The following SYNJ2 variants were observed in gnomAD, a reference collection of about 807,000 sequenced individuals.
SYNJ2 encodes the protein synaptojanin 2.
SYNJ2 carries 116 observed loss-of-function variants against 141.3 expected under a neutral mutation model. The ratio of observed to expected loss-of-function variants is 0.82; its 90% CI spans 0.71 to 0.96. SYNJ2 has a LOEUF of 0.96. SYNJ2 is among the 40% of genes least tolerant of loss of function. The pLI is 0.00. For synonymous variants in SYNJ2, 745 were observed against 777.7 expected, an observed-to-expected ratio of 0.96 and a Z score of 0.70; for missense variants, 1,873 against 1,934.8, an observed-to-expected ratio of 0.97 and a Z score of 0.60.
chr6:158,059,111 GAT>G, intron 6 of SYNJ2, 144 bp from the exon 7 acceptor site: 1 of 806,066 alleles, frequency 1.2e-6, no homozygotes. Context: ...CATTTTCCAC[GAT>G]TTGGGTCATG....
intron 6 of SYNJ2, among the ~76,000 whole-genome samples, chr6:158,055,413 A>G (rs1365645011): frequency 6.6e-6 from 1 of 152,204 alleles, no homozygotes; most frequent in Non-Finnish European, 1.5e-5. Context: ...AGTGAAAAAT[A>G]AAAGTACCCT....
intron 7 of SYNJ2, among the ~76,000 whole-genome samples, chr6:158,061,469 C>T (rs182431836): frequency 6.6e-6 from 1 of 152,360 alleles, no homozygotes; most frequent in Admixed American, 6.5e-5. Flanking sequence ...CCTGAAGTAG[C>T]ATCGGGATGT....
intron 6 of SYNJ2, among the ~76,000 whole-genome samples, chr6:158,057,769 G>A (rs1214789132): frequency 6.6e-6 from 1 of 152,220 alleles, no homozygotes; most frequent in Non-Finnish European, 1.5e-5. Flanking sequence ...TGGCCACGGT[G>A]GGCTCCCTCA....
At chr6:158,002,021 A>G (rs1373307181) in intron 1 of SYNJ2, among the ~76,000 whole-genome samples, 1 of 151,198 alleles carries the variant, frequency 6.6e-6, no homozygotes, top group African/African-American at 2.4e-5. Context: ...GTGTCCTCCC[A>G]CTCTTCTGAA....
At chr6:158,047,564 G>A (rs1258972374) in intron 5 of SYNJ2, among the ~76,000 whole-genome samples, 1 of 151,882 alleles carries the variant, frequency 6.6e-6, no homozygotes, top group African/African-American at 2.4e-5. Flanking sequence ...ATCACTTGAG[G>A]TCAGGAGTTT....
rs11334192 is a variant in SYNJ2 at position 158,005,079 on chromosome 6, ATTT to A, written c.128-12109_128-12107del. 2.1e-3 allele frequency among the ~76,000 whole-genome samples: 258 copies of A among 123,882 alleles called. 2 individuals carry two copies. Among genetic ancestry groups the A allele is most frequent in the African/African-American group, 7.3e-3 (231 of 31,830 alleles). 81.3% of individuals were successfully genotyped at this position (123,882 alleles called of 152,430 possible). ...CCTGCAATTCCCAGTCCCAGTGACT[ATTT>A]TTTTTTTTTTTTTTTGAGACAGTCT... On this transcript the variant is annotated intron_variant, in intron 1 of 26. Coordinates refer to ENST00000355585, the MANE Select transcript of SYNJ2 (RefSeq NM_003898.4).
At chr6:157,989,424 ATGAAT>A in intron 1 of SYNJ2, among the ~76,000 whole-genome samples, 1 of 91,626 alleles carries the variant, frequency 1.1e-5, no homozygotes, top group African/African-American at 3.8e-5. Flanking sequence ...ATGTAAAAAA[ATGAAT>A]ATATATATAT....
chr6:158,074,659 T>A lies in SYNJ2; in HGVS notation c.2213T>A (p.Val738Asp). Residue 738 changes from valine to aspartate, a missense_variant, in exon 16 of 27, where the codon GTC (valine) becomes GAC (aspartate). Transcript: ENST00000355585. ...CGCATTGATCTTACTTATGAAGAAG[T>A]CTTCTATTTTGTTAAACGCCAAGAC... ...NYRIDLTYEEVFYFVKRQDWK... is the reference protein window; with the variant it reads ...NYRIDLTYEEDFYFVKRQDWK... 6.2e-7 allele frequency: 1 copy of A among 1,614,112 alleles called. No individual in the cohort carries two copies. The highest frequency in any genetic ancestry group is 8.5e-7 in the Non-Finnish European group (1 of 1,180,000).
rs1464901882 is a variant in SYNJ2 at position 158,043,172 on chromosome 6, G to A, written c.712-144G>A. The A allele has an allele frequency of 1.5e-6, 1 of 651,862 alleles. No individual in the cohort carries two copies. The highest frequency in any genetic ancestry group is 2.8e-5 in the East Asian group (1 of 35,248). 40.4% of individuals were successfully genotyped at this position (651,862 alleles called of 1,614,324 possible). ...GAGAGGTCAGGGCGCATTGCCGGATGGGGGAGCAGAGGACGCCGGAGTCCA... is the reference window on the plus strand; with the variant it reads ...GAGAGGTCAGGGCGCATTGCCGGATAGGGGAGCAGAGGACGCCGGAGTCCA... On this transcript the variant is annotated intron_variant, in intron 4 of 26. Transcript: ENST00000355585. The surrounding 1 kb of genome is among the most constrained non-coding windows in gnomAD (Gnocchi z 4.0).
At chr6:158,067,330 G>C (rs945017276) in intron 12 of SYNJ2, 43 of 722,168 alleles carry the variant, frequency 6.0e-5, no homozygotes, top group Non-Finnish European at 7.1e-5. Context: ...TGCCTTCAGT[G>C]TTGATATTGA....
rs200773114 is a variant in SYNJ2 at position 158,095,717 on chromosome 6, C to T, written c.3844C>T (p.Arg1282Ter). ...VEAPPVVTAP[R>*]VPPVPKPRTF... ...GGCCCCTCCTGTCGTGACAGCCCCT[C>T]GAGTCCCTCCTGTTCCCAAACCAAG... Residue 1282 changes from arginine to a stop codon, truncating the protein, a stop_gained, in exon 27 of 27, where the codon CGA (arginine) becomes TGA (stop). Coordinates refer to ENST00000355585, the MANE Select transcript of SYNJ2 (RefSeq NM_003898.4). LOFTEE classifies it low-confidence loss of function (END_TRUNC). The T allele has an allele frequency of 6.8e-6, 11 of 1,614,166 alleles. No homozygotes were observed. The South Asian group carries it at 8.8e-5, about 13-fold the overall frequency.
At position 158,027,994 on chromosome 6, in the gene SYNJ2, A is replaced by G. The variant is rs1779145919; in HGVS notation, c.215-762A>G. On this transcript the variant is annotated intron_variant, in intron 2 of 26. Coordinates refer to ENST00000355585, the MANE Select transcript of SYNJ2 (RefSeq NM_003898.4). This position sits in a 1 kb window ranked among gnomAD's most constrained non-coding sequence, Gnocchi z 4.6. ...GCGGGAGGTGCGTGGAGAAGGGGTC[A>G]TGGAGGTCTTGTTGGGCAGATGGCG... 2 of 152,798 alleles carry G rather than the reference A, an allele frequency of 1.3e-5. No homozygotes were observed. The highest frequency in any genetic ancestry group is 2.4e-5 in the African/African-American group (1 of 41,428). The allele number at this position is 152,798 out of a possible 1,614,324, so 9.5% of individuals were successfully genotyped here. A position where few individuals can be genotyped will look rare whatever the true frequency, so the allele number is the denominator to read the frequency against.
chr6:158,017,634 T>C, intron 2 of SYNJ2: 1 of 429,416 alleles, frequency 2.3e-6, no homozygotes. Context: ...CAGGCTGGTC[T>C]GAAACTCCGA....
intron 5 of SYNJ2, among the ~76,000 whole-genome samples, chr6:158,053,901 GATCC>G (rs748204006): frequency 2.6e-4 from 35 of 132,452 alleles, no homozygotes; most frequent in Admixed American, 9.8e-4. Context: ...TGCATCCACT[GATCC>G]ATCCATCCAC....
At chr6:158,075,178 C>T (rs1221362458) in intron 16 of SYNJ2, among the ~76,000 whole-genome samples, 1 of 151,614 alleles carries the variant, frequency 6.6e-6, no homozygotes, top group Non-Finnish European at 1.5e-5. Context: ...GTGATCTGTG[C>T]GCCTCAGCCT....
In SYNJ2 at chr6:158,043,465, C is replaced by G; in HGVS notation, c.795+66C>G. ...TCCGCCCTGCCCTTCCCTTCAATAG[C>G]TGGGGAAGATTTCTTTTAACACGTT... On this transcript the variant is annotated intron_variant, in intron 5 of 26. Coordinates refer to ENST00000355585, the MANE Select transcript of SYNJ2 (RefSeq NM_003898.4). The surrounding 1 kb of genome is among the most constrained non-coding windows in gnomAD (Gnocchi z 4.0). 1 of 1,178,292 alleles carries G rather than the reference C, an allele frequency of 8.5e-7. No homozygotes were observed. The highest frequency in any genetic ancestry group is 1.3e-5 in the South Asian group (1 of 77,738). The allele number at this position is 1,178,292 out of a possible 1,614,324, so 73.0% of individuals were successfully genotyped here. A position where few individuals can be genotyped will look rare whatever the true frequency, so the allele number is the denominator to read the frequency against.
chr6:158,063,284 T>TG (rs1390253651), intron 8 of SYNJ2, among the ~76,000 whole-genome samples: 1 of 151,990 alleles, frequency 6.6e-6, no homozygotes, highest in South Asian at 2.1e-4. Flanking sequence ...GTGTGTGTCC[T>TG]GGGGTCTGCC....
chr6:158,029,122 A>G, intron 3 of SYNJ2, 96 bp downstream of exon 3: 2 of 1,320,566 alleles, frequency 1.5e-6, no homozygotes, highest in East Asian at 3.0e-5. Context: ...CACTTGCACC[A>G]CCCCCGGGTT....
At chr6:158,060,398 G>C (rs371016306) in intron 7 of SYNJ2, among the ~76,000 whole-genome samples, 36 of 152,302 alleles carry the variant, frequency 2.4e-4, no homozygotes, top group African/African-American at 8.2e-4. Context: ...GGGGGCTCCT[G>C]GTTCCTTTAC....
Sources: allele counts gnomAD v4.1 joint callset (sites outside exome capture counted in the v4.1 genomes callset), GRCh38; gene constraint gnomAD v4.1.1; non-coding constraint Gnocchi (gnomAD v3.1); transcripts MANE v1.5; gene names NCBI Gene and HGNC (gene_info 2026-07-23, HGNC 2026-07-21).